The following SMC1A variants were observed in gnomAD, a reference collection of about 807,000 sequenced individuals.
SMC1A encodes structural maintenance of chromosomes protein 1A.
In SMC1A, 4 loss-of-function variants were observed where a neutral mutation model predicts 94.5. The ratio of observed to expected loss-of-function variants is 0.04; its 90% confidence interval spans 0.02 to 0.10. The LOEUF (loss-of-function observed/expected upper bound fraction) is 0.10, where lower values mean the gene tolerates loss of function less well. SMC1A is among the 10% of genes least tolerant of loss of function. SMC1A has a pLI of 1.00. For synonymous variants in SMC1A, 345 were observed against 347.7 expected (o/e 0.99, Z 0.09); for missense variants, 304 against 989.0 (o/e 0.31, Z 9.29).
chrX:53,419,386 G>A (rs1045329184), intron 1 of SMC1A, among the ~76,000 whole-genome samples: 2 of 109,397 alleles, frequency 1.8e-5, no homozygotes, highest in African/African-American at 6.7e-5. Context: ...AATTGGCTCG[G>A]CATGGTGGCA....
At chrX:53,392,348 C>T (rs929595404) in intron 19 of SMC1A, among the ~76,000 whole-genome samples, 4 of 108,028 alleles carry the variant, frequency 3.7e-5, no homozygotes, top group African/African-American at 1.0e-4. Context: ...GCCGAGACCA[C>T]GCCACTGCAC....
chrX:53,381,959 T>C, intron 22 of SMC1A: 1 of 416,215 alleles, frequency 2.4e-6, no homozygotes, highest in Non-Finnish European at 4.2e-6. Context: ...TGGAAAGGGA[T>C]TATTAGCCAG....
At chrX:53,389,842 C>CTTTTTTTTT (rs1193457348) in intron 19 of SMC1A, among the ~76,000 whole-genome samples, 5 of 55,092 alleles carry the variant, frequency 9.1e-5, no homozygotes, top group Admixed American at 2.6e-4. Context: ...TCCAGAATTT[C>CTTTTTTTTT]TTTTTTTTTT....
chrX:53,381,176 C>G, intron 22 of SMC1A, 89 bp from the exon 23 acceptor site: 1 of 555,155 alleles, frequency 1.8e-6, no homozygotes. Context: ...ATCAAACAGG[C>G]CAGCTTCCCA....
intron 9 of SMC1A, 88 bp from the exon 10 acceptor site, chrX:53,406,044 G>A: frequency 1.2e-6 from 1 of 862,473 alleles, no homozygotes; most frequent in South Asian, 2.1e-5. Context: ...AAGGGGGACA[G>A]ACTAGAATCT....
chrX:53,418,166 TTA>T (rs1386869674), intron 1 of SMC1A, among the ~76,000 whole-genome samples: 1 of 112,615 alleles, frequency 8.9e-6, no homozygotes, highest in Non-Finnish European at 1.9e-5. Flanking sequence ...TTTCATTTAC[TTA>T]TTTTATTTAT....
intron 1 of SMC1A, among the ~76,000 whole-genome samples, chrX:53,420,944 G>A (rs1237219100): frequency 8.9e-6 from 1 of 111,964 alleles, no homozygotes; most frequent in African/African-American, 3.2e-5. Flanking sequence ...AGTGTCTACG[G>A]TATGCCACAG....
intron 9 of SMC1A, among the ~76,000 whole-genome samples, chrX:53,408,840 T>TAAAAAAAAAAAAAAAAA (rs1295569888): frequency 1.5e-5 from 1 of 67,063 alleles, no homozygotes; most frequent in Non-Finnish European, 2.8e-5. Context: ...GGTTGAAAAA[T>TAAAAAAAAAAAAAAAAA]AAAAAAAAAA....
rs1253991330 is a variant in SMC1A, at chrX:53,394,878, T to G, written c.2873A>C (p.Gln958Pro). 3.4e-6 allele frequency: 4 copies of G among 1,175,079 alleles called. No individual in the cohort carries two copies. The highest frequency in any genetic ancestry group is 2.3e-6 in the Non-Finnish European group (2 of 864,011). ...TGAACCACTCACTGAGTCCTCCCCC[T>G]GGGAGCTACCCTGCAATGGCAACGG... Reference protein sequence around the residue: ...DDISQEEGSSQGEDSVSGSQR... With the variant: ...DDISQEEGSSPGEDSVSGSQR... The change falls in exon 19 of 25, where the codon CAG becomes CCG. Residue 958 changes from glutamine (Q) to proline (P), a missense_variant. This residue lies in a region of SMC1A where 22 missense variants were observed against 17.5 expected (regional missense o/e 1.26). Transcript: ENST00000322213.
At chrX:53,394,756 CA>C in intron 19 of SMC1A, 21 bp downstream of exon 19, 2 of 705,816 alleles carry the variant, frequency 2.8e-6, no homozygotes, top group Non-Finnish European at 4.4e-6. Context: ...ACCCCCACCA[CA>C]CCCCTGTGGT....
intron 18 of SMC1A, 32 bp downstream of exon 18, chrX:53,396,195 C>T (rs782215278): frequency 5.0e-6 from 6 of 1,199,259 alleles, no homozygotes; most frequent in East Asian, 3.0e-5. Flanking sequence ...TGATGTTCAT[C>T]GCCCACTCCC....
In SMC1A at chrX:53,417,358, CCTGA is replaced by C. The variant is rs2075736240; in HGVS notation, c.110-2193_110-2190del. Among the ~76,000 whole-genome samples, 3 of 108,148 alleles carry C rather than the reference CCTGA, an allele frequency of 2.8e-5. No homozygotes were observed. The Admixed American group carries it at 3.0e-4, about 11-fold the overall frequency. The allele number at this position is 108,148 out of a possible 115,157, so 93.9% of individuals were successfully genotyped here. ...CTGAGGTTGGGGAGTTCCAGACCAG[CCTGA>C]CTAACATGGAGAAACCTCGTCTCTA... is the stretch of plus-strand genomic sequence containing the variant. On this transcript the variant is annotated intron_variant, in intron 1 of 24. Transcript: ENST00000322213.
rs191977511 is a variant in SMC1A at position 53,379,445 on chromosome X, A to T, written c.*658T>A. 8.9e-6 allele frequency: 1 copy of T among 112,806 alleles called. No individual in the cohort carries two copies. Among genetic ancestry groups the T allele is most frequent in the Non-Finnish European group, 1.9e-5 (1 of 53,741 alleles). 9.3% of individuals were successfully genotyped at this position (112,806 alleles called of 1,213,427 possible). A position where few individuals can be genotyped will look rare whatever the true frequency, so the allele number is the denominator to read the frequency against. On this transcript the variant is annotated 3_prime_UTR_variant, in exon 25 of 25. Transcript: ENST00000322213. The stretch of plus-strand genomic sequence containing the variant: ...GCTAACTATAGTCATTCATGAACCC[A>T]CTGTATCTCCTTACTAGGAGGGTAG...
At chrX:53,389,701 G>A (rs1276720731) in intron 19 of SMC1A, among the ~76,000 whole-genome samples, 1 of 109,568 alleles carries the variant, frequency 9.1e-6, no homozygotes, top group Non-Finnish European at 1.9e-5. Flanking sequence ...CTGCACACCA[G>A]CCCGTGATAG....
At position 53,387,681 on chromosome X, in the gene SMC1A, G is replaced by A. The variant is rs111955848; in HGVS notation, c.2974-4428C>T. 8.0e-3 allele frequency among the ~76,000 whole-genome samples: 888 copies of A among 111,167 alleles called. 7 individuals are homozygous for A. Among genetic ancestry groups the A allele is most frequent in the African/African-American group, 0.028 (867 of 30,531 alleles). ...GATTCCAGGTCTGGGTGGAAAATGGGGAGGATGAATCTGGACATATTGGAA... is the reference window on the plus strand; with the variant it reads ...GATTCCAGGTCTGGGTGGAAAATGGAGAGGATGAATCTGGACATATTGGAA... On this transcript the variant is annotated intron_variant, in intron 19 of 24. Transcript: ENST00000322213.
chrX:53,387,059 G>A (rs1435819300), intron 19 of SMC1A, among the ~76,000 whole-genome samples: 3 of 112,087 alleles, frequency 2.7e-5, no homozygotes, highest in Non-Finnish European at 5.6e-5. Context: ...GCAGCGGTGC[G>A]ACCTCAGCTC....
chrX:53,415,437 C>T (rs903310073), intron 1 of SMC1A, among the ~76,000 whole-genome samples: 5 of 110,834 alleles, frequency 4.5e-5, no homozygotes, highest in Admixed American at 9.7e-5. Context: ...CCTGTAATCC[C>T]AGCACTTTGG....
In SMC1A at chrX:53,414,767, G is replaced by A. The variant is rs1211706449; in HGVS notation, c.402C>T (p.Leu134=). 5.0e-6 allele frequency: 6 copies of A among 1,193,525 alleles called. No individual in the cohort carries two copies. Among genetic ancestry groups the A allele is most frequent in the African/African-American group, 3.5e-5 (2 of 56,830 alleles). Residue 134 remains leucine (L), a synonymous_variant, in exon 3 of 25, where the codon CTC becomes CTT. Coordinates refer to ENST00000322213, the MANE Select transcript of SMC1A (RefSeq NM_006306.4). ...TGTTAAAAACGCCCACCTGGAAAAC[G>A]AGGAAGTTACGAGCTTTGATGAGAA... is the stretch of plus-strand genomic sequence containing the variant. ...LGILIKARNF[L]VFQGAVESIA...
rs781938358 is a variant in SMC1A at position 53,413,036 on chromosome X, T to C, written c.718A>G (p.Lys240Glu). The C allele has an allele frequency of 2.5e-6, 3 of 1,211,668 alleles. No homozygotes were observed. Among genetic ancestry groups the C allele is most frequent in the East Asian group, 3.0e-5 (1 of 33,838 alleles). Residue 240 changes from lysine (K) to glutamate (E), a missense_variant, in exon 5 of 25, where the codon AAG becomes GAG. By Grantham distance (56) the Lys-to-Glu change is moderately conservative. Transcript: ENST00000322213. ...HNEVEIEKLN[K>E]ELASKNKEIE... ...TCCTTGTTCTTTGAGGCCAGTTCCT[T>C]GTTGAGCTTCTCAATTTCCACTTCA... is the stretch of plus-strand genomic sequence containing the variant.
Sources: gnomAD v4.1 joint callset for allele counts (sites outside exome capture counted in the v4.1 genomes callset) on GRCh38, gnomAD v4.1.1 for gene constraint, gnomAD v4.1.1 regional missense constraint, MANE v1.5 for transcripts, NCBI Gene and HGNC (gene_info 2026-07-23, HGNC 2026-07-21) for gene names.